The following TIMM23 variants were observed in gnomAD, a reference collection of about 807,000 sequenced individuals.
The protein encoded by TIMM23 is mitochondrial import inner membrane translocase subunit Tim23.
Under a neutral mutation model 30.7 loss-of-function variants are expected in TIMM23, and 19 were observed. That is an observed-to-expected ratio of 0.62 (90% CI 0.43 to 0.91). The LOEUF (loss-of-function observed/expected upper bound fraction) is 0.91, where lower values mean the gene tolerates loss of function less well. TIMM23 is among the 40% of genes least tolerant of loss of function. The pLI is 0.00. For missense variants in TIMM23, 202 were observed against 269.2 expected (o/e 0.75, Z 1.75); for synonymous variants, 78 against 98.5 (o/e 0.79, Z 1.23).
At chr10:45,990,433 T>A (rs1205737633) in intron 6 of TIMM23, among the ~76,000 whole-genome samples, 2 of 151,172 alleles carry the variant, frequency 1.3e-5, no homozygotes, top group African/African-American at 4.9e-5. Flanking sequence ...ATTTTAATTT[T>A]TTTTTTAAGA....
chr10:45,990,065 C>T (rs1415191381), intron 6 of TIMM23, among the ~76,000 whole-genome samples: 3 of 151,424 alleles, frequency 2.0e-5, no homozygotes, highest in African/African-American at 7.3e-5. Flanking sequence ...TGATGTGCAA[C>T]AGTGTTCTAT....
intron 6 of TIMM23, among the ~76,000 whole-genome samples, chr10:45,996,353 C>T (rs1440360312): frequency 2.0e-5 from 3 of 147,598 alleles, no homozygotes; most frequent in Non-Finnish European, 4.4e-5. Context: ...CAGAGCAAGA[C>T]TCCGTCTCAA....
chr10:45,996,140 T>A (rs1267787026), intron 6 of TIMM23, among the ~76,000 whole-genome samples: 1 of 142,106 alleles, frequency 7.0e-6, no homozygotes, highest in Non-Finnish European at 1.5e-5. Flanking sequence ...GGCGGGAGGA[T>A]CACAATGTCA....
intron 6 of TIMM23, among the ~76,000 whole-genome samples, chr10:46,001,775 G>A (rs368798875): frequency 5.9e-5 from 9 of 152,238 alleles, no homozygotes; most frequent in African/African-American, 1.9e-4. Context: ...TTAAAAAGCT[G>A]CTTTGGGCAC....
intron 6 of TIMM23, among the ~76,000 whole-genome samples, chr10:45,994,014 G>GAAGT (rs1370330271): frequency 3.9e-5 from 6 of 152,140 alleles, no homozygotes; most frequent in African/African-American, 1.4e-4. Flanking sequence ...ATGAAATGAT[G>GAAGT]AAGTAATGAA....
At chr10:45,993,244 CTTTT>C (rs782013689) in intron 6 of TIMM23, among the ~76,000 whole-genome samples, 1 of 72,062 alleles carries the variant, frequency 1.4e-5, no homozygotes, top group Non-Finnish European at 2.5e-5. Flanking sequence ...TCTACCATCA[CTTTT>C]TTTTTTTTTT....
intron 6 of TIMM23, among the ~76,000 whole-genome samples, chr10:45,997,565 A>G (rs1273347081): frequency 6.6e-6 from 1 of 152,156 alleles, no homozygotes; most frequent in Non-Finnish European, 1.5e-5. Context: ...TAGTCTCAAC[A>G]CTTTGGGAGG....
chr10:45,979,271 A>G lies in TIMM23; in HGVS notation c.166-3252A>G, dbSNP rs1554913640. On this transcript the variant is annotated intron_variant, in intron 2 of 6. Transcript: ENST00000580018. ...ACGCTCTAAGTAAGTGGATTGTGTGATACATGAGATACAGATCAGTAACTC... is the reference window on the plus strand; with the variant it reads ...ACGCTCTAAGTAAGTGGATTGTGTGGTACATGAGATACAGATCAGTAACTC... Among the ~76,000 whole-genome samples the G allele has an allele frequency of 4.7e-3, 722 of 152,322 alleles. 5 individuals are homozygous for G. Among genetic ancestry groups the G allele is most frequent in the East Asian group, 0.019 (98 of 5,190 alleles).
intron 5 of TIMM23, among the ~76,000 whole-genome samples, chr10:45,987,201 C>G (rs1265667298): frequency 1.3e-5 from 2 of 151,222 alleles, no homozygotes; most frequent in Admixed American, 1.3e-4. Context: ...ATAAATTTTT[C>G]TAAATATAAT....
At position 46,003,282 on chromosome 10, in the gene TIMM23, G is replaced by A. The variant is rs139940054; in HGVS notation, c.594G>A (p.Glu198=). The change falls in exon 7 of 7, where the codon GAG becomes GAA. Residue 198 remains glutamate (E), a synonymous_variant. Coordinates refer to ENST00000580018, the MANE Select transcript of TIMM23 (RefSeq NM_006327.4). ...TSLYALYNNW[E]HMKGSLLQQS... The stretch of plus-strand genomic sequence containing the variant: ...TCTATGCACTATATAATAACTGGGA[G>A]CACATGAAAGGCTCCTTGCTCCAAC... The A allele has an allele frequency of 3.7e-5, 59 of 1,614,018 alleles. No homozygotes were observed. The highest frequency in any genetic ancestry group is 4.7e-5 in the Non-Finnish European group (56 of 1,179,992).
chr10:45,978,929 C>T (rs1446714475), intron 2 of TIMM23, among the ~76,000 whole-genome samples: 4 of 152,080 alleles, frequency 2.6e-5, no homozygotes, highest in Non-Finnish European at 5.9e-5. Context: ...TGTGGCATAT[C>T]CATACAATGG....
At chr10:45,990,487 T>C (rs1162998532) in intron 6 of TIMM23, among the ~76,000 whole-genome samples, 1 of 151,100 alleles carries the variant, frequency 6.6e-6, no homozygotes, top group Non-Finnish European at 1.5e-5. Flanking sequence ...AGTGGCACAA[T>C]CAAGGCTCAC....
intron 6 of TIMM23, among the ~76,000 whole-genome samples, chr10:45,992,987 A>G (rs1554916088): frequency 6.6e-6 from 1 of 151,968 alleles, no homozygotes; most frequent in Non-Finnish European, 1.5e-5. Context: ...TGCCGTTACC[A>G]TTTCCTAGAA....
chr10:45,975,086 CT>C (rs1236967937), intron 1 of TIMM23, among the ~76,000 whole-genome samples: 2 of 152,296 alleles, frequency 1.3e-5, no homozygotes, highest in Non-Finnish European at 2.9e-5. Context: ...ATTGATTAGT[CT>C]TTTTTCAGTC....
intron 2 of TIMM23, 113 bp from the exon 3 acceptor site, chr10:45,982,410 T>C (rs1341368734): frequency 1.9e-6 from 2 of 1,045,380 alleles, no homozygotes; most frequent in African/African-American, 3.2e-5. Flanking sequence ...TAGGTTTGAG[T>C]TAATTTAAGG....
intron 6 of TIMM23, among the ~76,000 whole-genome samples, chr10:45,990,974 C>G (rs1332985778): frequency 6.6e-6 from 1 of 152,144 alleles, no homozygotes; most frequent in African/African-American, 2.4e-5. Context: ...AAAATTCAGA[C>G]AAGTTAAATT....
chr10:45,979,935 TA>T (rs1405659956), intron 2 of TIMM23, among the ~76,000 whole-genome samples: 2 of 152,190 alleles, frequency 1.3e-5, no homozygotes, highest in African/African-American at 4.8e-5. Context: ...TAGATCTAGT[TA>T]AAATTCAATA....
chr10:45,987,228 G>A, intron 5 of TIMM23, among the ~76,000 whole-genome samples: 1 of 147,300 alleles, frequency 6.8e-6, no homozygotes, highest in Non-Finnish European at 1.5e-5. Flanking sequence ...ACTGACTTTT[G>A]TGTTGAAAAA....
At chr10:45,997,720 ACTTG>A (rs1838389622) in intron 6 of TIMM23, among the ~76,000 whole-genome samples, 1 of 152,030 alleles carries the variant, frequency 6.6e-6, no homozygotes, top group East Asian at 1.9e-4. Context: ...TGGGAGGATC[ACTTG>A]AGCTCAGAAG....
Sources: gnomAD v4.1 joint callset for allele counts (sites outside exome capture counted in the v4.1 genomes callset) on GRCh38, gnomAD v4.1.1 for gene constraint, MANE v1.5 for transcripts, NCBI Gene and HGNC (gene_info 2026-07-23, HGNC 2026-07-21) for gene names.